Variants in LYAR observed in about 807,000 individuals in gnomAD.
LYAR encodes cell growth-regulating nucleolar protein.
Under a neutral mutation model 45.2 loss-of-function variants are expected in LYAR, and 37 were observed. The observed-to-expected ratio is 0.82, with a 90% CI of 0.63 to 1.08. The LOEUF is 1.08. LYAR is among the 50% of genes least tolerant of loss of function. The pLI is 0.00. For missense variants in LYAR, 493 were observed against 451.0 expected, an observed-to-expected ratio of 1.09 and a Z score of -0.84; for synonymous variants, 176 against 155.1, an observed-to-expected ratio of 1.14 and a Z score of -1.00.
At chr4:4,280,861 T>C (rs3756026) in intron 4 of LYAR, among the ~76,000 whole-genome samples, 63,057 of 152,140 alleles carry the variant, frequency 0.41, 14,778 homozygotes, top group Middle Eastern at 0.57. Context: ...TTACTTTTTA[T>C]TGGTTTTTAG....
rs560430240 is a variant in LYAR, at chr4:4,268,089, T to C, written c.1006-66A>G. On this transcript the variant is annotated intron_variant, in intron 9 of 9. Coordinates refer to ENST00000343470, the MANE Select transcript of LYAR (RefSeq NM_017816.3). Reference sequence around the variant, plus strand: ...AAAATTATCTTAAAATGTTCTGTCTTTAACCCAGAAATAGAACAACAGGAA... The same window carrying C: ...AAAATTATCTTAAAATGTTCTGTCTCTAACCCAGAAATAGAACAACAGGAA... 7 of 1,372,538 alleles carry C rather than the reference T, an allele frequency of 5.1e-6. No individual in the cohort carries two copies. In the South Asian group the frequency reaches 1.1e-4, roughly 22 times the overall value. 85.0% of individuals were successfully genotyped at this position (1,372,538 alleles called of 1,614,324 possible). A position where few individuals can be genotyped will look rare whatever the true frequency, so the allele number is the denominator to read the frequency against.
intron 9 of LYAR, 96 bp downstream of exon 9, chr4:4,268,434 G>T: frequency 1.2e-6 from 1 of 827,312 alleles, no homozygotes; most frequent in Non-Finnish European, 2.0e-6. Flanking sequence ...CAGATTTTCA[G>T]TGTTTTAGGT....
intron 1 of LYAR, among the ~76,000 whole-genome samples, chr4:4,288,418 G>A (rs1014684630): frequency 6.6e-6 from 1 of 151,692 alleles, no homozygotes; most frequent in African/African-American, 2.4e-5. Context: ...GTTTGGTTCT[G>A]AGATTGGAAT....
chr4:4,281,942 T>TG lies in LYAR; in HGVS notation c.123-46dup, dbSNP rs780224716. The TG allele has an allele frequency of 3.9e-6, 5 of 1,271,702 alleles. No homozygotes were observed. In the South Asian group the frequency reaches 4.7e-5, roughly 12 times the overall value. 78.8% of individuals were successfully genotyped at this position (1,271,702 alleles called of 1,614,324 possible). A position where few individuals can be genotyped will look rare whatever the true frequency, so the allele number is the denominator to read the frequency against. The stretch of plus-strand genomic sequence containing the variant: ...TCTGCCATTAGACTGATACCCAAGT[T>TG]GGAGGCGCTAATACCAGCATGCTGC... On this transcript the variant is annotated intron_variant, in intron 3 of 9. Coordinates refer to ENST00000343470, the MANE Select transcript of LYAR (RefSeq NM_017816.3).
At chr4:4,270,407 A>G (rs1418031627) in intron 8 of LYAR, among the ~76,000 whole-genome samples, 2 of 151,552 alleles carry the variant, frequency 1.3e-5, no homozygotes, top group Admixed American at 1.3e-4. Context: ...AATAAAAACC[A>G]TTTGCCCTAA....
chr4:4,270,786 G>T (rs2108837283), intron 8 of LYAR, among the ~76,000 whole-genome samples: 1 of 152,300 alleles, frequency 6.6e-6, no homozygotes, highest in East Asian at 1.9e-4. Context: ...GCCTAATATT[G>T]ACCATGATGT....
intron 3 of LYAR, among the ~76,000 whole-genome samples, chr4:4,282,911 A>C (rs1719458165): frequency 6.6e-6 from 1 of 151,950 alleles, no homozygotes; most frequent in African/African-American, 2.4e-5. Context: ...TCATAAATTC[A>C]CTTTCTGGTT....
At chr4:4,284,138 A>G (rs2916438) in intron 2 of LYAR, among the ~76,000 whole-genome samples, 122,540 of 152,212 alleles carry the variant, frequency 0.81, 49,414 homozygotes, top group African/African-American at 0.84. Flanking sequence ...GCCCAAGGAT[A>G]CACGGTTAAC....
intron 6 of LYAR, 27 bp downstream of exon 6, chr4:4,279,420 G>A: frequency 6.8e-7 from 1 of 1,472,596 alleles, no homozygotes; most frequent in African/African-American, 1.4e-5. Context: ...TTGCCACAAT[G>A]CAAATCTAAA....
intron 8 of LYAR, among the ~76,000 whole-genome samples, chr4:4,269,531 C>T (rs1718852936): frequency 6.6e-6 from 1 of 152,162 alleles, no homozygotes; most frequent in Non-Finnish European, 1.5e-5. Context: ...GCTGTGATGT[C>T]AGTGGAACCT....
chr4:4,279,414 C>A (rs2108846137), intron 6 of LYAR, 33 bp downstream of exon 6: 2 of 1,378,512 alleles, frequency 1.5e-6, no homozygotes, highest in South Asian at 1.3e-5. Context: ...TTATTTTTGC[C>A]ACAATGCAAA....
chr4:4,279,585 A>C, intron 5 of LYAR, 55 bp from the exon 6 acceptor site: 3 of 1,555,256 alleles, frequency 1.9e-6, no homozygotes, highest in Non-Finnish European at 2.7e-6. Flanking sequence ...AGGTACACAC[A>C]AGCTCAGTCA....
chr4:4,288,455 A>G (rs944280958), intron 1 of LYAR, among the ~76,000 whole-genome samples: 33 of 141,978 alleles, frequency 2.3e-4, no homozygotes, highest in Non-Finnish European at 3.6e-4. Flanking sequence ...TCTTCCCTCT[A>G]TATTTTTGTA....
intron 2 of LYAR, among the ~76,000 whole-genome samples, chr4:4,286,309 T>C (rs1719608996): frequency 6.6e-6 from 1 of 152,190 alleles, no homozygotes; most frequent in African/African-American, 2.4e-5. Flanking sequence ...AACACTTGCT[T>C]GGGCTTCAAA....
intron 4 of LYAR, among the ~76,000 whole-genome samples, chr4:4,281,482 G>A (rs564158633): frequency 8.3e-6 from 1 of 119,788 alleles, no homozygotes; most frequent in South Asian, 2.7e-4. Context: ...ACTATGCCCG[G>A]CTAATTTTTT....
chr4:4,283,007 G>A (rs1719462470), intron 3 of LYAR, among the ~76,000 whole-genome samples: 1 of 152,144 alleles, frequency 6.6e-6, no homozygotes, highest in South Asian at 2.1e-4. Context: ...CATCTTCCAC[G>A]CAGTTAGTTC....
At chr4:4,280,037 C>A (rs576997448) in intron 4 of LYAR, among the ~76,000 whole-genome samples, 6 of 152,236 alleles carry the variant, frequency 3.9e-5, no homozygotes, top group Non-Finnish European at 8.8e-5. Context: ...GTCAAAAGTC[C>A]TAAAGAGTCC....
At position 4,273,671 on chromosome 4, in the gene LYAR, T is replaced by C. The variant is rs1218319690; in HGVS notation, c.833-2A>G. 6.3e-7 allele frequency: 1 copy of C among 1,590,594 alleles called. No individual in the cohort carries two copies. ...TTTTCTTCTTAGAATCTGTTTCAAC[T>C]AAGTATTTGGAAAGATTTTTTTTAA... is the stretch of plus-strand genomic sequence containing the variant. On this transcript the variant is annotated splice_acceptor_variant, in intron 7 of 9. Transcript: ENST00000343470. LOFTEE classifies it high-confidence loss of function.
At chr4:4,285,567 A>G (rs562447526) in intron 2 of LYAR, among the ~76,000 whole-genome samples, 86 of 152,390 alleles carry the variant, frequency 5.6e-4, no homozygotes, top group African/African-American at 2.0e-3. Flanking sequence ...ATAACTTATT[A>G]GTCACCAAGA....
Sources: gnomAD v4.1 joint callset for allele counts (sites outside exome capture counted in the v4.1 genomes callset) on GRCh38, gnomAD v4.1.1 for gene constraint, MANE v1.5 for transcripts, NCBI Gene and HGNC (gene_info 2026-07-23, HGNC 2026-07-21) for gene names.